The following TRDN variants were observed in gnomAD, a reference collection of about 807,000 sequenced individuals.
TRDN encodes the protein triadin, also known as triadin in skeletal muscle.
Under a neutral mutation model 149.7 loss-of-function variants are expected in TRDN, and 161 were observed. The observed-to-expected ratio is 1.08, with a 90% confidence interval of 0.95 to 1.23. The LOEUF (loss-of-function observed/expected upper bound fraction) is 1.23. TRDN is among the 50% of genes most tolerant of loss of function. The pLI is 0.00. For synonymous variants in TRDN, 294 were observed against 250.5 expected (o/e 1.17, Z -1.64); for missense variants, 896 against 823.5 (o/e 1.09, Z -1.08).
intron 36 of TRDN, among the ~76,000 whole-genome samples, chr6:123,255,491 C>A (rs1776525798): frequency 6.6e-6 from 1 of 152,054 alleles, no homozygotes; most frequent in African/African-American, 2.4e-5. Flanking sequence ...TAATTAAGAC[C>A]TTTGTAAGCT....
rs187001686 is a variant in TRDN, at chr6:123,277,789, T to A, written c.1567+529A>T. ...GTGAGACAATAAATTTCTGTTGTTT[T>A]AAGCCACCCAGTTTGTGGAATTTAA... On this transcript the variant is annotated intron_variant, in intron 26 of 40. Coordinates refer to ENST00000334268, the MANE Select transcript of TRDN (RefSeq NM_006073.4). Among the ~76,000 whole-genome samples, 98 of 152,310 alleles carry A rather than the reference T, an allele frequency of 6.4e-4. No homozygotes were observed. In the Middle Eastern group the frequency reaches 0.01, roughly 16 times the overall value.
intron 13 of TRDN, among the ~76,000 whole-genome samples, chr6:123,390,861 T>C (rs1782085070): frequency 1.3e-5 from 2 of 152,130 alleles, no homozygotes; most frequent in Admixed American, 1.3e-4. Context: ...TTTGTTGATG[T>C]TGTTCTCTTT....
intron 1 of TRDN, among the ~76,000 whole-genome samples, chr6:123,634,390 A>G (rs1786181429): frequency 6.6e-6 from 1 of 152,012 alleles, no homozygotes; most frequent in Admixed American, 6.6e-5. Flanking sequence ...GCAGTGAGCT[A>G]TGATCATGCC....
intron 2 of TRDN, among the ~76,000 whole-genome samples, chr6:123,565,294 G>A (rs1782223075): frequency 6.6e-6 from 1 of 152,086 alleles, no homozygotes; most frequent in Admixed American, 6.5e-5. Context: ...ATTACTAAGA[G>A]AGCAACGTTT....
At chr6:123,267,830 T>C in intron 31 of TRDN, 79 bp from the exon 32 acceptor site, 1 of 1,166,276 alleles carries the variant, frequency 8.6e-7, no homozygotes, top group Admixed American at 2.7e-5. Flanking sequence ...TTGCAAGTGA[T>C]CCTCAGTTTA....
Position 123,253,954 on chromosome 6 carries a change from T to C in TRDN, c.1951+1127A>G, listed in dbSNP as rs564801898. Among the ~76,000 whole-genome samples, 214 of 152,232 alleles carry C rather than the reference T, an allele frequency of 1.4e-3. 1 individual carries two copies. Among genetic ancestry groups the C allele is most frequent in the African/African-American group, 4.9e-3 (204 of 41,568 alleles). On this transcript the variant is annotated intron_variant, in intron 37 of 40. Coordinates refer to ENST00000334268, the MANE Select transcript of TRDN (RefSeq NM_006073.4). Reference sequence around the variant, plus strand: ...AAGTACGAATAGATGGCCTTAACCATTATAGTGTTTGAAAACATACAAACT... The same window carrying C: ...AAGTACGAATAGATGGCCTTAACCACTATAGTGTTTGAAAACATACAAACT...
chr6:123,490,754 C>T (rs1778178975), intron 9 of TRDN, among the ~76,000 whole-genome samples: 1 of 152,082 alleles, frequency 6.6e-6, no homozygotes, highest in African/African-American at 2.4e-5. Context: ...AAGAAATGGA[C>T]AATGTGAATT....
intron 40 of TRDN, among the ~76,000 whole-genome samples, chr6:123,219,644 T>C (rs777353171): frequency 2.0e-5 from 3 of 151,846 alleles, no homozygotes; most frequent in Non-Finnish European, 4.4e-5. Flanking sequence ...TCTGATTCCA[T>C]TTCCATGGGT....
chr6:123,300,900 C>T (rs1778373564), intron 24 of TRDN, among the ~76,000 whole-genome samples: 1 of 149,532 alleles, frequency 6.7e-6, no homozygotes, highest in East Asian at 1.9e-4. Context: ...AAGTCAGTTT[C>T]CCCTTTTAAC....
At chr6:123,250,656 A>G (rs1286752850) in intron 38 of TRDN, among the ~76,000 whole-genome samples, 2 of 152,100 alleles carry the variant, frequency 1.3e-5, no homozygotes, top group African/African-American at 2.4e-5. Context: ...TGGATCACAG[A>G]AATGATATAT....
chr6:123,275,269 G>C (rs1036035197), intron 26 of TRDN, among the ~76,000 whole-genome samples: 2 of 152,058 alleles, frequency 1.3e-5, no homozygotes, highest in Non-Finnish European at 2.9e-5. Context: ...TGCTAGAGAA[G>C]GGTAGGTTTT....
intron 35 of TRDN, among the ~76,000 whole-genome samples, chr6:123,257,223 C>T (rs184235840): frequency 3.9e-5 from 6 of 152,022 alleles, no homozygotes; most frequent in Non-Finnish European, 8.8e-5. Flanking sequence ...CGTGATCCGC[C>T]CACATCAGCC....
intron 34 of TRDN, 107 bp from the exon 35 acceptor site, chr6:123,259,769 G>T: frequency 1.4e-6 from 1 of 733,922 alleles, no homozygotes; most frequent in South Asian, 1.9e-5. Flanking sequence ...ATGAGTGGAG[G>T]GAGTCAGGGC....
chr6:123,539,909 AT>A (rs1780741552), intron 4 of TRDN, among the ~76,000 whole-genome samples: 1 of 152,166 alleles, frequency 6.6e-6, no homozygotes, highest in Non-Finnish European at 1.5e-5. Flanking sequence ...TTAGAATACC[AT>A]TGTGGAGATG....
At chr6:123,223,987 G>T in intron 39 of TRDN, 106 bp downstream of exon 39, 2 of 1,004,628 alleles carry the variant, frequency 2.0e-6, no homozygotes, top group Non-Finnish European at 2.9e-6. Flanking sequence ...GCCTAGAAAA[G>T]CTTAAGACTA....
chr6:123,293,924 C>T (rs967321725), intron 24 of TRDN, among the ~76,000 whole-genome samples: 7 of 151,980 alleles, frequency 4.6e-5, no homozygotes, highest in African/African-American at 1.2e-4. Flanking sequence ...GGGTTGATTC[C>T]GGCAGGAATC....
At chr6:123,353,668 A>AG (rs1285583100) in intron 20 of TRDN, among the ~76,000 whole-genome samples, 1 of 151,642 alleles carries the variant, frequency 6.6e-6, no homozygotes, top group African/African-American at 2.4e-5. Context: ...GGAGGGAGGG[A>AG]GGGAAAAAAA....
At chr6:123,604,284 G>C (rs1413802349) in intron 1 of TRDN, among the ~76,000 whole-genome samples, 1 of 152,230 alleles carries the variant, frequency 6.6e-6, no homozygotes, top group African/African-American at 2.4e-5. Context: ...GCCAGGGAAA[G>C]GGGCAGCATG....
intron 1 of TRDN, among the ~76,000 whole-genome samples, chr6:123,625,691 T>C: frequency 6.6e-6 from 1 of 152,184 alleles, no homozygotes; most frequent in East Asian, 1.9e-4. Flanking sequence ...TGTATGCCTG[T>C]ATAAAAATAT....
Sources: gnomAD v4.1 joint callset for allele counts (sites outside exome capture counted in the v4.1 genomes callset) on GRCh38, gnomAD v4.1.1 for gene constraint, MANE v1.5 for transcripts, NCBI Gene and HGNC (gene_info 2026-07-23, HGNC 2026-07-21) for gene names.